The following RIMBP2 variants were observed in gnomAD, a reference collection of about 807,000 sequenced individuals.
RIMBP2 encodes RIMS binding protein 2.
In RIMBP2, 48 loss-of-function variants were observed where a neutral mutation model predicts 118.6. That is an observed-to-expected ratio of 0.40 (90% CI 0.32 to 0.51). The LOEUF is 0.51. RIMBP2 is among the 20% of genes least tolerant of loss of function. The pLI, the probability that RIMBP2 is intolerant of heterozygous loss-of-function variation, is 0.41. For missense variants in RIMBP2, 1,551 were observed against 1,768.3 expected, an observed-to-expected ratio of 0.88 and a Z score of 2.20; for synonymous variants, 762 against 742.9, an observed-to-expected ratio of 1.03 and a Z score of -0.42.
chr12:130,693,577 G>A (rs1278559530), intron 1 of RIMBP2, among the ~76,000 whole-genome samples: 1 of 152,174 alleles, frequency 6.6e-6, no homozygotes, highest in Non-Finnish European at 1.5e-5. Context: ...CACTGGGAGA[G>A]GAGAGCAGGT....
At position 130,447,426 on chromosome 12, in the gene RIMBP2, G is replaced by A. The variant is rs914210841; in HGVS notation, c.582-2157C>T. Among the ~76,000 whole-genome samples, 1 of 152,150 alleles carries A rather than the reference G, an allele frequency of 6.6e-6. No homozygotes were observed. The highest frequency in any genetic ancestry group is 1.5e-5 in the Non-Finnish European group (1 of 68,022). On this transcript the variant is annotated intron_variant, in intron 9 of 22. Transcript: ENST00000690449. This position sits in a 1 kb window ranked among gnomAD's most constrained non-coding sequence, Gnocchi z 4.4. Reference sequence around the variant, plus strand: ...TGTGGATGAGACCAGGGGACACGTCGGGAATGGGGACTCAACAGAGACAGA... The same window carrying A: ...TGTGGATGAGACCAGGGGACACGTCAGGAATGGGGACTCAACAGAGACAGA...
At chr12:130,411,551 C>T (rs1404108660) in intron 19 of RIMBP2, among the ~76,000 whole-genome samples, 5 of 105,418 alleles carry the variant, frequency 4.7e-5, no homozygotes, top group Admixed American at 1.2e-4. Context: ...AGAAAAATAG[C>T]ATAAAAAATT....
At chr12:130,602,685 G>A (rs890294036) in intron 2 of RIMBP2, among the ~76,000 whole-genome samples, 1 of 152,186 alleles carries the variant, frequency 6.6e-6, no homozygotes, top group Non-Finnish European at 1.5e-5. Context: ...TTAAAGAATT[G>A]AACAAACAGA....
chr12:130,478,186 T>C (rs1423484513), intron 5 of RIMBP2, among the ~76,000 whole-genome samples: 2 of 152,166 alleles, frequency 1.3e-5, no homozygotes, highest in African/African-American at 2.4e-5. Flanking sequence ...CTTCCTTCCC[T>C]CCTTCCCTGG....
intron 16 of RIMBP2, among the ~76,000 whole-genome samples, chr12:130,423,448 A>G (rs1417788788): frequency 6.6e-6 from 1 of 152,226 alleles, no homozygotes; most frequent in Non-Finnish European, 1.5e-5. Context: ...TTTTCAATGA[A>G]AAGGTCAGCA....
intron 3 of RIMBP2, among the ~76,000 whole-genome samples, chr12:130,508,214 G>C (rs1049475574): frequency 2.0e-5 from 3 of 151,952 alleles, no homozygotes; most frequent in Non-Finnish European, 4.4e-5. Flanking sequence ...TTAGGACTTG[G>C]GGGTCATGCT....
chr12:130,432,301 A>G, intron 14 of RIMBP2: 1 of 456,560 alleles, frequency 2.2e-6, no homozygotes, highest in Non-Finnish European at 4.4e-6. Context: ...AAAATTCTCA[A>G]TTCTGTGGGC....
At chr12:130,465,247 C>T (rs1011145622) in intron 6 of RIMBP2, 4 of 152,270 alleles carry the variant, frequency 2.6e-5, no homozygotes, top group Non-Finnish European at 2.9e-5. Context: ...TAGCCGGGCT[C>T]CTCTGAGGCC....
In RIMBP2 at chr12:130,447,149, C is replaced by T. The variant is rs117684840; in HGVS notation, c.582-1880G>A. Among the ~76,000 whole-genome samples, 1,569 of 151,842 alleles carry T rather than the reference C, an allele frequency of 0.01. 69 individuals are homozygous for T. The highest frequency in any genetic ancestry group is 0.078 in the Admixed American group (1,191 of 15,252). ...CGCCTTCAGGAGTGCCCACACCTGA[C>T]GCTCAGGAAGAGAAGCTTCCCCAGG... On this transcript the variant is annotated intron_variant, in intron 9 of 22. Transcript: ENST00000690449. This position sits in a 1 kb window ranked among gnomAD's most constrained non-coding sequence, Gnocchi z 4.4.
chr12:130,502,355 T>C (rs1185106899), intron 4 of RIMBP2, among the ~76,000 whole-genome samples: 3 of 152,196 alleles, frequency 2.0e-5, no homozygotes, highest in Non-Finnish European at 2.9e-5. Flanking sequence ...AGTTCTACAG[T>C]TCTTGGAATT....
intron 1 of RIMBP2, among the ~76,000 whole-genome samples, chr12:130,636,854 T>C (rs1412584971): frequency 6.6e-6 from 1 of 152,228 alleles, no homozygotes; most frequent in African/African-American, 2.4e-5. Flanking sequence ...CAGTTGTGTT[T>C]CAACACATTC....
chr12:130,439,489 G>A (rs57113193), intron 11 of RIMBP2, among the ~76,000 whole-genome samples: 2,295 of 148,756 alleles, frequency 0.015, 56 homozygotes, highest in African/African-American at 0.054. Context: ...GTGTGTGTAT[G>A]TGTGTGTGCG....
chr12:130,657,337 C>T (rs1158241183), intron 1 of RIMBP2, among the ~76,000 whole-genome samples: 1 of 152,190 alleles, frequency 6.6e-6, no homozygotes, highest in Non-Finnish European at 1.5e-5. Context: ...ACTTCAACAC[C>T]TTTGTGGGAT....
intron 2 of RIMBP2, among the ~76,000 whole-genome samples, chr12:130,573,958 G>A (rs2057898242): frequency 6.6e-6 from 1 of 152,112 alleles, no homozygotes; most frequent in African/African-American, 2.4e-5. Flanking sequence ...AAGGGAAAGA[G>A]TTGCCAATTC....
chr12:130,553,604 T>G (rs1244589258), intron 2 of RIMBP2, among the ~76,000 whole-genome samples: 1 of 151,868 alleles, frequency 6.6e-6, no homozygotes, highest in African/African-American at 2.4e-5. Context: ...ATTAGCCAAG[T>G]GTGGTGGTGC....
chr12:130,543,047 A>T (rs564161788), intron 2 of RIMBP2, among the ~76,000 whole-genome samples: 2 of 152,320 alleles, frequency 1.3e-5, no homozygotes, highest in South Asian at 4.1e-4. Flanking sequence ...TCAGGGTTGG[A>T]TGATGAACTG....
intron 2 of RIMBP2, among the ~76,000 whole-genome samples, chr12:130,610,551 C>CCTTT (rs1232222327): frequency 8.6e-5 from 7 of 81,546 alleles, no homozygotes; most frequent in African/African-American, 3.2e-4. Flanking sequence ...AATTTTCCTG[C>CCTTT]TTTTTTTTTT....
rs1048477864 is a variant in RIMBP2 at position 130,621,795 on chromosome 12, A to T, written c.-217+6527T>A. Among the ~76,000 whole-genome samples the T allele has an allele frequency of 6.6e-6, 1 of 152,062 alleles. No homozygotes were observed. The highest frequency in any genetic ancestry group is 1.5e-5 in the Non-Finnish European group (1 of 68,014). On this transcript the variant is annotated intron_variant, in intron 2 of 22. Transcript: ENST00000690449. This position sits in a 1 kb window ranked among gnomAD's most constrained non-coding sequence, Gnocchi z 6.6. ...CATTTCCAAAACTCTTGCCAAACACATTTGTACTCTACCCTTTTACTGCCC... is the reference window on the plus strand; with the variant it reads ...CATTTCCAAAACTCTTGCCAAACACTTTTGTACTCTACCCTTTTACTGCCC...
intron 1 of RIMBP2, among the ~76,000 whole-genome samples, chr12:130,698,640 T>C (rs1319054728): frequency 1.3e-5 from 2 of 151,994 alleles, no homozygotes; most frequent in Non-Finnish European, 2.9e-5. Flanking sequence ...GAAGAAAACC[T>C]AGGCAATACC....
Sources: gnomAD v4.1 joint callset for allele counts (sites outside exome capture counted in the v4.1 genomes callset) on GRCh38, gnomAD v4.1.1 for gene constraint, Gnocchi (gnomAD v3.1) non-coding constraint, MANE v1.5 for transcripts, NCBI Gene and HGNC (gene_info 2026-07-23, HGNC 2026-07-21) for gene names.